GRID1: variants seen among roughly 807,000 people sequenced by gnomAD.
GRID1 encodes glutamate ionotropic receptor delta type subunit 1.
A neutral mutation model predicts 98.0 loss-of-function variants in GRID1; 28 were observed. That is an observed-to-expected ratio of 0.29 (90% CI 0.21 to 0.39). GRID1 has a LOEUF of 0.39. GRID1 is among the 10% of genes least tolerant of loss of function. GRID1 has a pLI of 1.00. For missense variants in GRID1, 1,111 were observed against 1,340.5 expected (o/e 0.83, Z 2.67); for synonymous variants, 553 against 538.5 (o/e 1.03, Z -0.37).
intron 5 of GRID1, among the ~76,000 whole-genome samples, chr10:85,904,825 A>G (rs532674943): frequency 6.6e-6 from 1 of 152,262 alleles, no homozygotes; most frequent in South Asian, 2.1e-4. Context: ...AATAGAAAAA[A>G]TAAGAGAAAA....
intron 15 of GRID1, among the ~76,000 whole-genome samples, chr10:85,609,846 G>A (rs2616674): frequency 0.35 from 52,684 of 152,094 alleles, 9,258 homozygotes; most frequent in Middle Eastern, 0.51. Context: ...CAGAGCAATG[G>A]CTCCACATCC....
chr10:85,689,590 T>A (rs565988975), intron 12 of GRID1, among the ~76,000 whole-genome samples: 47 of 151,718 alleles, frequency 3.1e-4, no homozygotes, highest in African/African-American at 1.1e-3. Flanking sequence ...TGGAAAAAAA[T>A]CCTCAAATAC....
chr10:85,693,310 G>A (rs1028955412), intron 12 of GRID1, among the ~76,000 whole-genome samples: 1 of 152,108 alleles, frequency 6.6e-6, no homozygotes, highest in East Asian at 1.9e-4. Flanking sequence ...TTGGGGAGAC[G>A]GAGAGTGAGA....
Position 85,601,275 on chromosome 10 carries a change from C to T in GRID1, c.*998G>A, listed in dbSNP as rs988271667. 6.6e-6 allele frequency: 1 copy of T among 152,526 alleles called. No homozygotes were observed. The highest frequency in any genetic ancestry group is 2.4e-5 in the African/African-American group (1 of 41,428). 9.4% of individuals were successfully genotyped at this position (152,526 alleles called of 1,614,324 possible). On this transcript the variant is annotated 3_prime_UTR_variant, in exon 16 of 16. Transcript: ENST00000327946. ...ACTCCCTGCATCTATGGCCTCACTT[C>T]CTTCTCTCACCTGGGACCATGGGTC...
At position 86,214,645 on chromosome 10, in the gene GRID1, C is replaced by T. The variant is rs185431810; in HGVS notation, c.236-7997G>A. Among the ~76,000 whole-genome samples the T allele has an allele frequency of 1.6e-3, 240 of 152,246 alleles. 2 individuals carry two copies. Among genetic ancestry groups the T allele is most frequent in the African/African-American group, 5.6e-3 (232 of 41,532 alleles). ...TGGGAGGCCAAGGTGGGCAGATTGCCTGAGCTTGGGAGTTTGAGACCAGCC... is the reference window on the plus strand; with the variant it reads ...TGGGAGGCCAAGGTGGGCAGATTGCTTGAGCTTGGGAGTTTGAGACCAGCC... On this transcript the variant is annotated intron_variant, in intron 2 of 15. Coordinates refer to ENST00000327946, the MANE Select transcript of GRID1 (RefSeq NM_017551.3).
chr10:86,144,171 A>C (rs1335900081), intron 3 of GRID1, among the ~76,000 whole-genome samples: 1 of 152,180 alleles, frequency 6.6e-6, no homozygotes. Context: ...AGGATAGACA[A>C]GGAGATAATT....
At chr10:86,168,723 AATACCCAGTCAC>A (rs892415702) in intron 3 of GRID1, among the ~76,000 whole-genome samples, 1 of 152,190 alleles carries the variant, frequency 6.6e-6, no homozygotes, top group Admixed American at 6.5e-5. Context: ...GACACATAGA[AATACCCAGTCAC>A]ATACTCAAAG....
chr10:86,318,715 T>C (rs1847931182), intron 2 of GRID1, among the ~76,000 whole-genome samples: 1 of 152,236 alleles, frequency 6.6e-6, no homozygotes, highest in Non-Finnish European at 1.5e-5. Context: ...GGCAATCTGC[T>C]AGATACTCAT....
chr10:86,306,636 C>T (rs938732161), intron 2 of GRID1, among the ~76,000 whole-genome samples: 3 of 151,992 alleles, frequency 2.0e-5, no homozygotes, highest in African/African-American at 4.8e-5. Flanking sequence ...GGCCAGCAGT[C>T]GGAGCAGTGA....
intron 2 of GRID1, among the ~76,000 whole-genome samples, chr10:86,261,694 C>G (rs1847017753): frequency 6.6e-6 from 1 of 152,152 alleles, no homozygotes; most frequent in Non-Finnish European, 1.5e-5. Context: ...CCCACCATCC[C>G]AAAGGCCAGA....
intron 9 of GRID1, among the ~76,000 whole-genome samples, chr10:85,728,881 GGA>G (rs1181340956): frequency 6.6e-6 from 1 of 152,184 alleles, no homozygotes; most frequent in African/African-American, 2.4e-5. Context: ...GTGTCTGCTG[GGA>G]GAGAGGGGAC....
At chr10:86,288,898 G>T (rs1263660547) in intron 2 of GRID1, among the ~76,000 whole-genome samples, 2 of 152,154 alleles carry the variant, frequency 1.3e-5, no homozygotes, top group Non-Finnish European at 2.9e-5. Flanking sequence ...GAGAACAGAG[G>T]CCCCACCACT....
Position 85,599,802 on chromosome 10 carries a change from A to ATATATATATATATATAT in GRID1, c.*2470_*2471insATATATATATATATATA, listed in dbSNP as rs1554857296. 3 of 64,982 alleles carry ATATATATATATATATAT rather than the reference A, an allele frequency of 4.6e-5. No individual in the cohort carries two copies. The highest frequency in any genetic ancestry group is 1.9e-4 in the African/African-American group (2 of 10,732). The allele number at this position is 64,982 out of a possible 1,614,324, so 4.0% of individuals were successfully genotyped here. A position where few individuals can be genotyped will look rare whatever the true frequency, so the allele number is the denominator to read the frequency against. On this transcript the variant is annotated 3_prime_UTR_variant, in exon 16 of 16. Coordinates refer to ENST00000327946, the MANE Select transcript of GRID1 (RefSeq NM_017551.3). ...GTAGAAAATTCTAAAAAAAAAAAAA[A>ATATATATATATATATAT]ATATATATATATATATATAAACATG... is the stretch of plus-strand genomic sequence containing the variant.
intron 8 of GRID1, among the ~76,000 whole-genome samples, chr10:85,836,304 A>G (rs1477419927): frequency 6.6e-6 from 1 of 152,156 alleles, no homozygotes; most frequent in African/African-American, 2.4e-5. Flanking sequence ...GCTCCCATGG[A>G]GGGATGGAAA....
chr10:86,189,842 C>A (rs1228620265), intron 3 of GRID1, among the ~76,000 whole-genome samples: 5 of 152,072 alleles, frequency 3.3e-5, no homozygotes, highest in Admixed American at 3.3e-4. Flanking sequence ...GCTCTTGTGC[C>A]CACTAAGAAC....
intron 12 of GRID1, among the ~76,000 whole-genome samples, chr10:85,705,911 G>A (rs928930623): frequency 3.9e-5 from 6 of 152,128 alleles, no homozygotes; most frequent in African/African-American, 1.2e-4. Flanking sequence ...AACTTCAACA[G>A]CATTTCATGC....
chr10:85,963,474 G>C lies in GRID1; in HGVS notation c.727-47235C>G, dbSNP rs187761754. Among the ~76,000 whole-genome samples, 164 of 152,248 alleles carry C rather than the reference G, an allele frequency of 1.1e-3. 1 individual carries two copies. Among genetic ancestry groups the C allele is most frequent in the Non-Finnish European group, 1.8e-3 (120 of 68,014 alleles). Reference sequence around the variant, plus strand: ...CTTTTGCTCACTTCCATCTGAACAAGTCAGACTTGTGCTCAAACCTCTGCT... The same window carrying C: ...CTTTTGCTCACTTCCATCTGAACAACTCAGACTTGTGCTCAAACCTCTGCT... On this transcript the variant is annotated intron_variant, in intron 4 of 15. Transcript: ENST00000327946.
chr10:85,809,412 C>G (rs1389232382), intron 8 of GRID1, among the ~76,000 whole-genome samples: 8 of 152,070 alleles, frequency 5.3e-5, no homozygotes, highest in African/African-American at 1.9e-4. Flanking sequence ...AGTCATACTC[C>G]CAAAACCACA....
At chr10:86,007,107 T>C (rs977054637) in intron 4 of GRID1, among the ~76,000 whole-genome samples, 4 of 152,188 alleles carry the variant, frequency 2.6e-5, no homozygotes, top group Non-Finnish European at 5.9e-5. Flanking sequence ...TTAATTTAAA[T>C]AGGTACAGAA....
Sources: allele counts gnomAD v4.1 joint callset (sites outside exome capture counted in the v4.1 genomes callset), GRCh38; gene constraint gnomAD v4.1.1; transcripts MANE v1.5; gene names NCBI Gene and HGNC (gene_info 2026-07-23, HGNC 2026-07-21).